USP22: variants seen among roughly 807,000 people sequenced by gnomAD.
USP22 encodes ubiquitin carboxyl-terminal hydrolase 22.
Under a neutral mutation model 68.1 loss-of-function variants are expected in USP22, and 22 were observed. That is an observed-to-expected ratio of 0.32 (90% CI 0.23 to 0.46). The LOEUF (loss-of-function observed/expected upper bound fraction) is 0.46. Ranked by LOEUF, USP22 falls within the 20% of genes least tolerant of loss-of-function variation. The pLI is 1.00. For synonymous variants in USP22, 279 were observed against 274.2 expected, an observed-to-expected ratio of 1.02 and a Z score of -0.17; for missense variants, 433 against 695.8, an observed-to-expected ratio of 0.62 and a Z score of 4.25.
intron 7 of USP22, chr17:21,011,562 C>T: frequency 2.2e-6 from 1 of 460,114 alleles, no homozygotes; most frequent in East Asian, 4.6e-5. Context: ...ACTTCCCAGT[C>T]TGGAGACCAT....
At chr17:21,032,664 G>GC (rs1972304455) in intron 1 of USP22, among the ~76,000 whole-genome samples, 1 of 152,108 alleles carries the variant, frequency 6.6e-6, no homozygotes, top group Non-Finnish European at 1.5e-5. Flanking sequence ...ACACAGCCAG[G>GC]CGTGTTGGCT....
intron 2 of USP22, among the ~76,000 whole-genome samples, chr17:21,022,817 A>C (rs1191862628): frequency 6.8e-6 from 1 of 146,792 alleles, no homozygotes; most frequent in East Asian, 2.0e-4. Context: ...AAAAAAACCA[A>C]ATGAACCAGG....
At chr17:21,036,393 T>C (rs911522183) in intron 1 of USP22, among the ~76,000 whole-genome samples, 2 of 151,734 alleles carry the variant, frequency 1.3e-5, no homozygotes, top group Non-Finnish European at 2.9e-5. Context: ...AAGAAACCAA[T>C]TGTATTACAC....
intron 1 of USP22, among the ~76,000 whole-genome samples, chr17:21,035,353 A>G (rs1354755726): frequency 2.0e-5 from 3 of 152,234 alleles, no homozygotes; most frequent in Admixed American, 1.3e-4. Flanking sequence ...AGGCAAGAAA[A>G]AGACTCACAT....
intron 8 of USP22, among the ~76,000 whole-genome samples, chr17:21,008,651 G>A (rs1485092910): frequency 1.3e-5 from 2 of 152,178 alleles, no homozygotes; most frequent in Non-Finnish European, 2.9e-5. Context: ...GGTACTTTCC[G>A]CATGAATGTC....
chr17:21,036,713 G>A (rs546070741), intron 1 of USP22, among the ~76,000 whole-genome samples: 1 of 152,314 alleles, frequency 6.6e-6, no homozygotes, highest in South Asian at 2.1e-4. Flanking sequence ...ATGGATTAGA[G>A]TTGGAGATAT....
At chr17:21,035,226 TTC>T (rs1318973233) in intron 1 of USP22, among the ~76,000 whole-genome samples, 2 of 152,198 alleles carry the variant, frequency 1.3e-5, no homozygotes, top group Non-Finnish European at 2.9e-5. Flanking sequence ...TCTCACTTAA[TTC>T]TCTGAGTTTC....
At chr17:21,022,936 T>C (rs557583187) in intron 2 of USP22, among the ~76,000 whole-genome samples, 4 of 152,184 alleles carry the variant, frequency 2.6e-5, no homozygotes, top group South Asian at 4.1e-4. Context: ...ACCTAAATGC[T>C]CACCAATGGT....
chr17:21,018,141 T>TAC, intron 4 of USP22, 30 bp from the exon 5 acceptor site: 1 of 1,540,116 alleles, frequency 6.5e-7, no homozygotes, highest in South Asian at 1.3e-5. Context: ...GAGCAGGAGT[T>TAC]ACCTGTGTGC....
chr17:21,035,902 G>A (rs907578120), intron 1 of USP22, among the ~76,000 whole-genome samples: 1 of 151,736 alleles, frequency 6.6e-6, no homozygotes, highest in African/African-American at 2.4e-5. Flanking sequence ...GTGGTGGCAG[G>A]CGCCTGTAGT....
At chr17:21,009,499 G>A (rs888205245) in intron 8 of USP22, among the ~76,000 whole-genome samples, 4 of 152,198 alleles carry the variant, frequency 2.6e-5, no homozygotes, top group African/African-American at 7.2e-5. Context: ...CCACCTTCCC[G>A]GGAGTCAGCA....
chr17:21,031,542 A>C lies in USP22; in HGVS notation c.172-2868T>G, dbSNP rs12943961. 2.7e-3 allele frequency among the ~76,000 whole-genome samples: 401 copies of C among 147,838 alleles called. 1 individual carries two copies. Among genetic ancestry groups the C allele is most frequent in the African/African-American group, 9.6e-3 (362 of 37,900 alleles). On this transcript the variant is annotated intron_variant, in intron 1 of 12. Coordinates refer to ENST00000261497, the MANE Select transcript of USP22 (RefSeq NM_015276.2). ...TATGCTACACACTCCATTATAGTCT[A>C]TCTCTACTACACAACCTAGGACTGT...
At position 21,002,253 on chromosome 17, in the gene USP22, A is replaced by T. The variant is rs1913609218; in HGVS notation, c.*778T>A. The T allele has an allele frequency of 6.6e-6, 1 of 152,280 alleles. No homozygotes were observed. Among genetic ancestry groups the T allele is most frequent in the Admixed American group, 6.5e-5 (1 of 15,292 alleles). 9.4% of individuals were successfully genotyped at this position (152,280 alleles called of 1,614,324 possible). A position where few individuals can be genotyped will look rare whatever the true frequency, so the allele number is the denominator to read the frequency against. ...GCAGCAACATAAACGGCACCCATTA[A>T]AAAGCAAGACTCGCTCTTGAGACTA... On this transcript the variant is annotated 3_prime_UTR_variant, in exon 13 of 13. Transcript: ENST00000261497.
chr17:21,004,823 G>A (rs889546006), intron 11 of USP22, 105 bp downstream of exon 11: 6 of 1,301,628 alleles, frequency 4.6e-6, no homozygotes, highest in African/African-American at 2.9e-5. Context: ...GCGGGAAGCA[G>A]GTCAGTGGCG....
intron 1 of USP22, among the ~76,000 whole-genome samples, chr17:21,037,569 C>T (rs1972373092): frequency 6.6e-6 from 1 of 152,166 alleles, no homozygotes; most frequent in Non-Finnish European, 1.5e-5. Context: ...GGACATTCTA[C>T]AAACTACATG....
At chr17:21,020,362 G>A (rs1972141740) in intron 3 of USP22, among the ~76,000 whole-genome samples, 1 of 151,620 alleles carries the variant, frequency 6.6e-6, no homozygotes, top group African/African-American at 2.4e-5. Flanking sequence ...AATAACCAGT[G>A]TGTGTGGCCA....
chr17:21,037,889 C>T (rs1013284543), intron 1 of USP22, among the ~76,000 whole-genome samples: 1 of 152,154 alleles, frequency 6.6e-6, no homozygotes, highest in African/African-American at 2.4e-5. Context: ...CAAGAAGTTA[C>T]CCTTAGAGGA....
At chr17:21,009,918 G>A (rs1264311340) in intron 8 of USP22, among the ~76,000 whole-genome samples, 1 of 150,794 alleles carries the variant, frequency 6.6e-6, no homozygotes, top group African/African-American at 2.4e-5. Context: ...TCGCGCCACT[G>A]CACTCCAGCC....
chr17:21,012,747 G>A (rs1914009657), intron 7 of USP22, 83 bp downstream of exon 7: 2 of 1,272,980 alleles, frequency 1.6e-6, no homozygotes, highest in Non-Finnish European at 2.3e-6. Context: ...ACCTCTCAGA[G>A]CACACACAGC....
Sources: allele counts gnomAD v4.1 joint callset (sites outside exome capture counted in the v4.1 genomes callset), GRCh38; gene constraint gnomAD v4.1.1; transcripts MANE v1.5; gene names NCBI Gene and HGNC (gene_info 2026-07-23, HGNC 2026-07-21).